LIMCH1: variants seen among roughly 807,000 people sequenced by gnomAD.
LIMCH1 encodes LIM and calponin homology domains-containing protein 1.
A neutral mutation model predicts 176.5 loss-of-function variants in LIMCH1; 113 were observed. The observed-to-expected ratio is 0.64, with a 90% CI of 0.55 to 0.75. The LOEUF (loss-of-function observed/expected upper bound fraction) is 0.75, where lower values mean the gene tolerates loss of function less well. Among genes scored for constraint, LIMCH1 ranks in the 30% least tolerant of loss-of-function variants. The pLI, the probability that LIMCH1 is intolerant of heterozygous loss-of-function variation, is 0.00. For synonymous variants in LIMCH1, 619 were observed against 645.9 expected (o/e 0.96, Z 0.63); for missense variants, 1,674 against 1,814.9 (o/e 0.92, Z 1.41).
chr4:41,395,859 T>C (rs576332970), intron 1 of LIMCH1, among the ~76,000 whole-genome samples: 2 of 152,188 alleles, frequency 1.3e-5, no homozygotes, highest in Non-Finnish European at 2.9e-5. Flanking sequence ...AGAATGTATG[T>C]CAGACAGTGA....
At chr4:41,500,163 C>T (rs2073004339) in intron 2 of LIMCH1, among the ~76,000 whole-genome samples, 1 of 152,232 alleles carries the variant, frequency 6.6e-6, no homozygotes, top group East Asian at 1.9e-4. Context: ...GTTAATATGC[C>T]TTTTCTATTT....
chr4:41,631,245 G>A lies in LIMCH1; in HGVS notation c.1369G>A (p.Ala457Thr). 1.3e-6 allele frequency: 2 copies of A among 1,536,052 alleles called. No individual in the cohort carries two copies. Among genetic ancestry groups the A allele is most frequent in the South Asian group, 2.4e-5 (2 of 84,052 alleles). ...TGACTTTGCCAACCGCAAAGCAAGGGCCTCTAAGAAAGCTTCCAGCCCCAG... is the reference window on the plus strand; with the variant it reads ...TGACTTTGCCAACCGCAAAGCAAGGACCTCTAAGAAAGCTTCCAGCCCCAG... ...RDDFANRKAR[A>T]SKKASSPRQK... Residue 457 changes from alanine (A) to threonine (T), a missense_variant, in exon 10 of 32, where the codon GCC becomes ACC. Around this residue, in one of 3 missense-constraint regions of LIMCH1, gnomAD observed 655 missense variants for 692.2 expected, o/e 0.95. Transcript: ENST00000503057.
chr4:41,639,289 G>C (rs1028084201), intron 14 of LIMCH1, among the ~76,000 whole-genome samples: 1 of 152,162 alleles, frequency 6.6e-6, no homozygotes, highest in African/African-American at 2.4e-5. Flanking sequence ...TTTATTTAAA[G>C]GGCATTCTGA....
chr4:41,671,682 G>C, intron 22 of LIMCH1, 88 bp downstream of exon 22: 1 of 1,029,250 alleles, frequency 9.7e-7, no homozygotes, highest in Non-Finnish European at 1.5e-6. Context: ...ATTCAGGCCG[G>C]GTGCAGGCGG....
Position 41,626,931 on chromosome 4 carries a change from A to G in LIMCH1, c.949A>G (p.Lys317Glu), listed in dbSNP as rs1193121153. 6.5e-7 allele frequency: 1 copy of G among 1,536,048 alleles called. No individual in the cohort carries two copies. ...TCAACTCCTCTATGGCCCTTATCCA[A>G]AGAAAGGGGCAGAGAAATCAGATGG... ...LNQLLYGPYP[K>E]KGAEKSDGSK... Residue 317 changes from lysine to glutamate, a missense_variant, in exon 8 of 32, where the codon AAG becomes GAG. Physicochemically the swap from Lys to Glu is moderately conservative, Grantham distance 56. Transcript: ENST00000503057.
At chr4:41,660,550 C>T (rs1378359022) in intron 18 of LIMCH1, among the ~76,000 whole-genome samples, 1 of 152,132 alleles carries the variant, frequency 6.6e-6, no homozygotes, top group Non-Finnish European at 1.5e-5. Flanking sequence ...ATGTTAGAAA[C>T]TTAGAAGGAC....
At chr4:41,612,591 T>C (rs1291976216) in intron 4 of LIMCH1, 1 of 702,614 alleles carries the variant, frequency 1.4e-6, no homozygotes, top group Non-Finnish European at 2.6e-6. Context: ...AAGGCTTTTA[T>C]TATAATACGA....
At chr4:41,661,890 G>A (rs1380946241) in intron 19 of LIMCH1, 2 of 397,524 alleles carry the variant, frequency 5.0e-6, no homozygotes, top group Admixed American at 7.4e-5. Flanking sequence ...CGCTGAAATG[G>A]TAAAGCTCAC....
intron 3 of LIMCH1, among the ~76,000 whole-genome samples, chr4:41,525,092 G>A (rs1173498535): frequency 1.3e-5 from 2 of 152,100 alleles, no homozygotes; most frequent in Admixed American, 6.5e-5. Context: ...TTTTTCATGC[G>A]TTGATATGTC....
upstream of LIMCH1, among the ~76,000 whole-genome samples, chr4:41,537,098 A>G (rs955121541): frequency 6.6e-6 from 1 of 152,234 alleles, no homozygotes; most frequent in African/African-American, 2.4e-5. Flanking sequence ...CAAGGAAACT[A>G]TGAAATAGGT....
At chr4:41,490,646 C>G (rs1165227217) in intron 1 of LIMCH1, among the ~76,000 whole-genome samples, 1 of 152,224 alleles carries the variant, frequency 6.6e-6, no homozygotes, top group Non-Finnish European at 1.5e-5. Context: ...TTTCTTGGTA[C>G]AGAACAAAAT....
Position 41,419,693 on chromosome 4 carries a change from T to TTCCG in LIMCH1, c.96+58760_96+58761insGTCC, listed in dbSNP as rs1561312681. ...CCTTCCTTCCTTCCTCCTTCCTTCCTTCCTTCCTTCCTTCCTTCCTTCCTT... is the reference window on the plus strand; with the variant it reads ...CCTTCCTTCCTTCCTCCTTCCTTCCTTCCGTCCTTCCTTCCTTCCTTCCTTCCTT... On this transcript the variant is annotated intron_variant, in intron 1 of 26. Transcript: ENST00000313860. Among the ~76,000 whole-genome samples the TTCCG allele has an allele frequency of 1.6e-4, 13 of 81,580 alleles. 1 individual carries two copies. The highest frequency in any genetic ancestry group is 9.8e-4 in the East Asian group (3 of 3,062). 53.5% of individuals were successfully genotyped at this position (81,580 alleles called of 152,430 possible). A position where few individuals can be genotyped will look rare whatever the true frequency, so the allele number is the denominator to read the frequency against.
chr4:41,570,393 G>A (rs2083378477), intron 1 of LIMCH1, among the ~76,000 whole-genome samples: 1 of 152,214 alleles, frequency 6.6e-6, no homozygotes, highest in Non-Finnish European at 1.5e-5. Context: ...GGTTTCAACA[G>A]GAGCCTTTGA....
intron 1 of LIMCH1, among the ~76,000 whole-genome samples, chr4:41,449,782 C>G (rs1339272188): frequency 5.3e-5 from 8 of 152,162 alleles, no homozygotes; most frequent in Non-Finnish European, 1.0e-4. Flanking sequence ...CAAACTACCA[C>G]CAAGTGGGTG....
intron 3 of LIMCH1, among the ~76,000 whole-genome samples, chr4:41,530,341 G>A (rs1162806163): frequency 6.6e-6 from 1 of 152,094 alleles, no homozygotes; most frequent in African/African-American, 2.4e-5. Flanking sequence ...GTCAAGAAAA[G>A]GTTTCCTGCA....
chr4:41,688,048 C>T (rs1005813225), intron 29 of LIMCH1, 131 bp downstream of exon 29: 7 of 650,406 alleles, frequency 1.1e-5, no homozygotes, highest in Non-Finnish European at 1.9e-5. Flanking sequence ...TTCCTACACA[C>T]ACACAGAGGC....
chr4:41,364,762 T>C (rs1437169771), intron 1 of LIMCH1, among the ~76,000 whole-genome samples: 3 of 152,238 alleles, frequency 2.0e-5, no homozygotes, highest in Non-Finnish European at 2.9e-5. Flanking sequence ...TAAATCATTA[T>C]ACAAATAATG....
chr4:41,619,516 C>A, intron 6 of LIMCH1, 76 bp downstream of exon 6: 2 of 1,569,640 alleles, frequency 1.3e-6, no homozygotes, highest in Non-Finnish European at 1.7e-6. Context: ...TGGACAGGAA[C>A]GAGGTTAAAT....
chr4:41,660,540 AT>A (rs1365229404), intron 18 of LIMCH1, among the ~76,000 whole-genome samples: 1 of 152,226 alleles, frequency 6.6e-6, no homozygotes, highest in East Asian at 1.9e-4. Flanking sequence ...GAAAACTAGT[AT>A]GTTAGAAACT....
Sources: gnomAD v4.1 joint callset for allele counts (sites outside exome capture counted in the v4.1 genomes callset) on GRCh38, gnomAD v4.1.1 for gene constraint, gnomAD v4.1.1 regional missense constraint, MANE v1.5 for transcripts, NCBI Gene and HGNC (gene_info 2026-07-23, HGNC 2026-07-21) for gene names.